SPTBN4: variants seen among roughly 807,000 people sequenced by gnomAD.
SPTBN4 encodes the protein spectrin beta, non-erythrocytic 4, also known as spectrin beta chain, non-erythrocytic 4.
SPTBN4 carries 96 observed loss-of-function variants against 277.8 expected under a neutral mutation model. That is an observed-to-expected ratio of 0.35 (90% CI 0.29 to 0.41). SPTBN4 has a LOEUF of 0.41. Among genes scored for constraint, SPTBN4 ranks in the 10% least tolerant of loss-of-function variants. The pLI is 1.00. For missense variants in SPTBN4, 3,006 were observed against 3,595.7 expected (o/e 0.84, Z 4.19); for synonymous variants, 1,481 against 1,580.3 (o/e 0.94, Z 1.49).
Position 40,504,148 on chromosome 19 carries a change from C to CCCCCCCA in SPTBN4, c.1665+16_1665+17insCCCCCCA. 2.0e-5 allele frequency: 13 copies of CCCCCCCA among 645,608 alleles called. No individual in the cohort carries two copies. The highest frequency in any genetic ancestry group is 7.5e-5 in the African/African-American group (1 of 13,338). The allele number at this position is 645,608 out of a possible 1,614,324, so 40.0% of individuals were successfully genotyped here. On this transcript the variant is annotated intron_variant, in intron 12 of 35. Coordinates refer to ENST00000598249, the MANE Select transcript of SPTBN4 (RefSeq NM_020971.3). ...GGAGATGCAGGTGCCGGCGGGGGGG[C>CCCCCCCA]GGGGATGCGGGTGGAGTGCCAGGAG... is the stretch of plus-strand genomic sequence containing the variant.
chr19:40,487,918 G>T, intron 3 of SPTBN4, 70 bp downstream of exon 3: 1 of 1,485,142 alleles, frequency 6.7e-7, no homozygotes, highest in Non-Finnish European at 8.9e-7. Context: ...GGCTTCTCTG[G>T]AAGGGCTGAA....
intron 20 of SPTBN4, among the ~76,000 whole-genome samples, chr19:40,538,880 G>T (rs938435682): frequency 2.0e-5 from 3 of 152,136 alleles, no homozygotes; most frequent in African/African-American, 4.8e-5. Context: ...GTGAAGCACT[G>T]CCCCTGGATA....
In SPTBN4 at chr19:40,501,906, C is replaced by A. The variant is rs1307583310; in HGVS notation, c.785-15C>A. On this transcript the variant is annotated splice_polypyrimidine_tract_variant and intron_variant, in intron 7 of 35. Coordinates refer to ENST00000598249, the MANE Select transcript of SPTBN4 (RefSeq NM_020971.3). The stretch of plus-strand genomic sequence containing the variant: ...GTGCCCACTGTCTTGTTTCCCCACT[C>A]CCTCTTGCTTCCAGATGTGAACATG... 7.4e-6 allele frequency: 12 copies of A among 1,611,766 alleles called. No homozygotes were observed. Among genetic ancestry groups the A allele is most frequent in the Non-Finnish European group, 9.3e-6 (11 of 1,177,932 alleles).
chr19:40,572,969 T>C (rs773219218), intron 35 of SPTBN4, among the ~76,000 whole-genome samples: 19 of 151,300 alleles, frequency 1.3e-4, no homozygotes, highest in Non-Finnish European at 2.8e-4. Flanking sequence ...GAAAATAAAA[T>C]AAAAATAAAA....
chr19:40,490,271 C>T lies in SPTBN4; in HGVS notation c.495+23C>T. 1.2e-6 allele frequency: 2 copies of T among 1,605,710 alleles called. No homozygotes were observed. The highest frequency in any genetic ancestry group is 1.7e-6 in the Non-Finnish European group (2 of 1,175,156). On this transcript the variant is annotated intron_variant, in intron 4 of 35. Transcript: ENST00000598249. This position sits in a 1 kb window ranked among gnomAD's most constrained non-coding sequence, Gnocchi z 4.3. ...CAGGTGACCCTCGAGTGGCCCCTGC[C>T]AAGCCCCGCAACATGGGACTTAGGA...
intron 3 of SPTBN4, 61 bp downstream of exon 3, chr19:40,487,909 G>T: frequency 6.7e-7 from 1 of 1,501,816 alleles, no homozygotes; most frequent in East Asian, 2.4e-5. Flanking sequence ...TGGGGGTTGG[G>T]CTTCTCTGGA....
Position 40,502,022 on chromosome 19 carries a change from C to T in SPTBN4, c.886C>T (p.Arg296Cys). 3.1e-6 allele frequency: 5 copies of T among 1,614,124 alleles called. No homozygotes were observed. The highest frequency in any genetic ancestry group is 4.2e-6 in the Non-Finnish European group (5 of 1,180,040). ...KMKALAVEGK[R>C]IGKVLDQVLE... is the part of the protein sequence containing the mutation. ...GAAGGCTCTGGCTGTGGAGGGGAAG[C>T]GTATCGGGAAGGTATAAGGAGCCAA... The change falls in exon 8 of 36, where the codon CGT becomes TGT. Residue 296 changes from arginine to cysteine, a missense_variant. Around this residue, in one of 5 missense-constraint regions of SPTBN4, gnomAD observed 1,759 missense variants for 2,061.5 expected, o/e 0.85. Coordinates refer to ENST00000598249, the MANE Select transcript of SPTBN4 (RefSeq NM_020971.3). This position sits in a 1 kb window ranked among gnomAD's most constrained non-coding sequence, Gnocchi z 4.9.
intron 24 of SPTBN4, 137 bp from the exon 25 acceptor site, chr19:40,555,947 A>G: frequency 1.4e-6 from 1 of 720,090 alleles, no homozygotes; most frequent in Non-Finnish European, 2.2e-6. Context: ...AAGAAAACAG[A>G]GCTCTACCTG....
chr19:40,547,734 AGAT>A (rs1341938836), intron 20 of SPTBN4, among the ~76,000 whole-genome samples: 1 of 152,200 alleles, frequency 6.6e-6, no homozygotes, highest in Non-Finnish European at 1.5e-5. Flanking sequence ...AACTGGTGTG[AGAT>A]GATATCTCAT....
At chr19:40,506,695 G>A (rs1033516080) in intron 13 of SPTBN4, among the ~76,000 whole-genome samples, 6 of 152,158 alleles carry the variant, frequency 3.9e-5, no homozygotes, top group African/African-American at 1.4e-4. Context: ...AGACTTGTGT[G>A]GGCTGGGCAC....
intron 27 of SPTBN4, among the ~76,000 whole-genome samples, chr19:40,563,543 A>T (rs535769838): frequency 4.6e-4 from 70 of 151,728 alleles, no homozygotes; most frequent in Non-Finnish European, 8.4e-4. Context: ...AACCTGACAT[A>T]CCCAAAGTAT....
In SPTBN4 at chr19:40,549,097, A is replaced by T. The variant is rs1241201462; in HGVS notation, c.4360-92A>T. ...GAGGGTGGAAGGGTGGGCCGCGGTG[A>T]GGGGTCTGGCTGTCACCATAAGGGT... On this transcript the variant is annotated intron_variant, in intron 20 of 35. Coordinates refer to ENST00000598249, the MANE Select transcript of SPTBN4 (RefSeq NM_020971.3). 3 of 1,064,146 alleles carry T rather than the reference A, an allele frequency of 2.8e-6. No homozygotes were observed. The East Asian group carries it at 8.2e-5, about 29-fold the overall frequency. The allele number at this position is 1,064,146 out of a possible 1,614,324, so 65.9% of individuals were successfully genotyped here.
intron 15 of SPTBN4, among the ~76,000 whole-genome samples, chr19:40,517,167 C>T (rs1192822895): frequency 6.6e-6 from 1 of 152,050 alleles, no homozygotes; most frequent in Non-Finnish European, 1.5e-5. Flanking sequence ...AACTACCCCA[C>T]ATTAGAGAGG....
chr19:40,556,509 C>T (rs1158436766), intron 25 of SPTBN4, among the ~76,000 whole-genome samples: 5 of 152,058 alleles, frequency 3.3e-5, no homozygotes, highest in African/African-American at 1.2e-4. Flanking sequence ...TTTATTGTTA[C>T]TTATTGTTAT....
intron 20 of SPTBN4, chr19:40,534,628 C>A (rs754713243): frequency 2.4e-6 from 1 of 418,966 alleles, no homozygotes; most frequent in Non-Finnish European, 4.4e-6. Flanking sequence ...GACCCTGACA[C>A]TCATTTCCTG....
Position 40,534,161 on chromosome 19 carries a change from G to A in SPTBN4, c.4177G>A (p.Ala1393Thr), listed in dbSNP as rs1382430774. 1 of 1,613,340 alleles carries A rather than the reference G, an allele frequency of 6.2e-7. No homozygotes were observed. The highest frequency in any genetic ancestry group is 1.3e-5 in the African/African-American group (1 of 74,930). The part of the protein sequence containing the change: ...KKLGEIRQCW[A>T]ELESTTQAKA... ...GCTGGGCGAGATCCGCCAGTGCTGG[G>A]CGGAGCTGGAGAGCACCACCCAGGC... Residue 1393 changes from alanine (A) to threonine (T), a missense_variant, in exon 20 of 36, where the codon GCG becomes ACG. By Grantham distance (58) the Ala-to-Thr change is moderately conservative (BLOSUM62 0). Around this residue, in one of 5 missense-constraint regions of SPTBN4, gnomAD observed 1,759 missense variants for 2,061.5 expected, o/e 0.85. Transcript: ENST00000598249.
At position 40,567,659 on chromosome 19, in the gene SPTBN4, T is replaced by C; in HGVS notation, c.6337-4T>C. On this transcript the variant is annotated splice_polypyrimidine_tract_variant and splice_region_variant and intron_variant, in intron 30 of 35. Coordinates refer to ENST00000598249, the MANE Select transcript of SPTBN4 (RefSeq NM_020971.3). ...CAACCTAACCCTGGTCCCTCCATCC[T>C]CAGATCGAGAAAATCAAAGCGGAAC... is the stretch of plus-strand genomic sequence containing the variant. 7.8e-7 allele frequency: 1 copy of C among 1,285,922 alleles called. No homozygotes were observed. The highest frequency in any genetic ancestry group is 1.0e-6 in the Non-Finnish European group (1 of 987,832). 79.7% of individuals were successfully genotyped at this position (1,285,922 alleles called of 1,614,324 possible). A position where few individuals can be genotyped will look rare whatever the true frequency, so the allele number is the denominator to read the frequency against.
chr19:40,512,071 C>T (rs1478331331), intron 13 of SPTBN4, among the ~76,000 whole-genome samples: 3 of 152,248 alleles, frequency 2.0e-5, no homozygotes, highest in Non-Finnish European at 4.4e-5. Flanking sequence ...TGCAGTGAAC[C>T]GAGATCGCGC....
chr19:40,507,160 A>G (rs930926541), intron 13 of SPTBN4, among the ~76,000 whole-genome samples: 2 of 152,122 alleles, frequency 1.3e-5, no homozygotes, highest in Admixed American at 1.3e-4. Flanking sequence ...CCAAAAATAC[A>G]AAAAATTAGG....
Sources: gnomAD v4.1 joint callset for allele counts (sites outside exome capture counted in the v4.1 genomes callset) on GRCh38, gnomAD v4.1.1 for gene constraint, gnomAD v4.1.1 regional missense constraint, Gnocchi (gnomAD v3.1) non-coding constraint, MANE v1.5 for transcripts, NCBI Gene and HGNC (gene_info 2026-07-23, HGNC 2026-07-21) for gene names.